The following ERFE variants were observed in gnomAD, a reference collection of about 807,000 sequenced individuals.
The protein encoded by ERFE is erythroferrone.
Under a neutral mutation model 26.6 loss-of-function variants are expected in ERFE, and 25 were observed. The ratio of observed to expected loss-of-function variants is 0.94; its 90% CI spans 0.69 to 1.31. ERFE has a LOEUF of 1.31. Among genes scored for constraint, ERFE ranks in the 40% most tolerant of loss-of-function variants. The probability of loss-of-function intolerance (pLI) is 0.00; values close to 1 mark genes in which losing one functional copy is unlikely to be tolerated. For missense variants in ERFE, 447 were observed against 440.2 expected, an observed-to-expected ratio of 1.02 and a Z score of -0.14; for synonymous variants, 206 against 204.5, an observed-to-expected ratio of 1.01 and a Z score of -0.06.
intron 5 of ERFE, 26 bp downstream of exon 5, chr2:238,164,209 G>T: frequency 7.0e-7 from 1 of 1,430,096 alleles, no homozygotes; most frequent in Non-Finnish European, 9.1e-7. Flanking sequence ...TGGGAGGATC[G>T]CCCGCTCTGT....
intron 1 of ERFE, among the ~76,000 whole-genome samples, chr2:238,160,417 G>C (rs923146170): frequency 6.6e-6 from 1 of 152,186 alleles, no homozygotes; most frequent in Admixed American, 6.5e-5. Context: ...GCCGGTGTGC[G>C]GCATCCTCGC....
Position 238,163,786 on chromosome 2 carries a change from C to A in ERFE, c.474C>A (p.Gly158=). The part of the protein sequence containing the change: ...ERAEPEPCTC[G]PAGPVAASLA... ...CGGAGCCCGAACCCTGTACGTGTGG[C>A]CCCGCCGGGCCGGTCGCTGCGAGCC... The change falls in exon 4 of 8, where the codon GGC becomes GGA. Residue 158 remains glycine (G), a synonymous_variant. Transcript: ENST00000546354. 2 of 1,356,538 alleles carry A rather than the reference C, an allele frequency of 1.5e-6. No homozygotes were observed. The highest frequency in any genetic ancestry group is 9.4e-7 in the Non-Finnish European group (1 of 1,059,002). The allele number at this position is 1,356,538 out of a possible 1,614,324, so 84.0% of individuals were successfully genotyped here.
chr2:238,165,910 G>A (rs754716599), intron 7 of ERFE, among the ~76,000 whole-genome samples: 1 of 152,172 alleles, frequency 6.6e-6, no homozygotes, highest in Non-Finnish European at 1.5e-5. Context: ...CCTTCCCCGA[G>A]GGCACCTGCC....
intron 1 of ERFE, 21 bp downstream of exon 1, chr2:238,159,226 C>A: frequency 4.8e-6 from 1 of 206,820 alleles, no homozygotes; most frequent in South Asian, 1.7e-4. Context: ...CGGGCCCGCT[C>A]CAGACCCAGC....
chr2:238,163,635 G>A lies in ERFE; in HGVS notation c.425-102G>A, dbSNP rs544781691. ...TCGCCCTCGCCCCACCCCTGCGCCC[G>A]GCAGGCCCCTGGTCTCGCTAGCACC... On this transcript the variant is annotated intron_variant, in intron 3 of 7. Transcript: ENST00000546354. 2.8e-4 allele frequency: 334 copies of A among 1,207,228 alleles called. 6 individuals carry two copies. The East Asian group carries it at 0.011, about 41-fold the overall frequency. The allele number at this position is 1,207,228 out of a possible 1,614,324, so 74.8% of individuals were successfully genotyped here.
chr2:238,164,091 C>T lies in ERFE; in HGVS notation c.704C>T (p.Ala235Val), dbSNP rs1412717604. The T allele has an allele frequency of 1.2e-5, 17 of 1,429,046 alleles. No individual in the cohort carries two copies. The highest frequency in any genetic ancestry group is 1.2e-5 in the Non-Finnish European group (13 of 1,094,454). The allele number at this position is 1,429,046 out of a possible 1,614,324, so 88.5% of individuals were successfully genotyped here. A position where few individuals can be genotyped will look rare whatever the true frequency, so the allele number is the denominator to read the frequency against. Residue 235 changes from alanine (A) to valine (V), a missense_variant, in exon 5 of 8, where the codon GCC (alanine) becomes GTC (valine). Physicochemically the swap from Ala to Val is moderately conservative, Grantham distance 64 (BLOSUM62 0). Transcript: ENST00000546354. ...GVYYLPDAEGAFRRGPGLNLT... is the reference protein window; with the variant it reads ...GVYYLPDAEGVFRRGPGLNLT... ...CCCTCGCAGCCCGACGCCGAGGGTG[C>T]CTTCCGCCGCGGCCCGGGCCTGAAC... is the stretch of plus-strand genomic sequence containing the variant.
chr2:238,168,643 G>GACTC lies in ERFE; in HGVS notation c.*1592_*1595dup. ...AAAGGCCTGGTGCGATTCTCAGTAGGACTCACACCCACCCTACCTAGAAGT... is the reference window on the plus strand; with the variant it reads ...AAAGGCCTGGTGCGATTCTCAGTAGGACTCACTCACACCCACCCTACCTAGAAGT... On this transcript the variant is annotated 3_prime_UTR_variant, in exon 8 of 8. Coordinates refer to ENST00000546354, the MANE Select transcript of ERFE (RefSeq NM_001291832.2). 5.5e-6 allele frequency: 2 copies of GACTC among 361,582 alleles called. No individual in the cohort carries two copies. Among genetic ancestry groups the GACTC allele is most frequent in the South Asian group, 4.1e-5 (2 of 48,458 alleles). 22.4% of individuals were successfully genotyped at this position (361,582 alleles called of 1,614,324 possible).
Position 238,159,028 on chromosome 2 carries a change from C to T in ERFE, c.21C>T (p.Pro7=), listed in dbSNP as rs1213614646. The T allele has an allele frequency of 1.2e-5, 3 of 256,862 alleles. No homozygotes were observed. 15.9% of individuals were successfully genotyped at this position (256,862 alleles called of 1,614,324 possible). The change falls in exon 1 of 8, where the codon CCC becomes CCT. Residue 7 remains proline, a synonymous_variant. Transcript: ENST00000546354. MAPARR[P]AGARLLLVYA... is the part of the protein sequence containing the mutation. ...CCCGCATGGCCCCGGCCCGCCGCCCCGCCGGAGCCCGCCTGCTGCTCGTCT... is the reference window on the plus strand; with the variant it reads ...CCCGCATGGCCCCGGCCCGCCGCCCTGCCGGAGCCCGCCTGCTGCTCGTCT...
At chr2:238,162,523 C>T (rs998936912) in intron 2 of ERFE, among the ~76,000 whole-genome samples, 12 of 152,388 alleles carry the variant, frequency 7.9e-5, no homozygotes, top group Non-Finnish European at 1.5e-4. Flanking sequence ...CAGAGTCCTT[C>T]CCTGCCAAAG....
At chr2:238,163,178 C>T (rs1357578670) in intron 3 of ERFE, among the ~76,000 whole-genome samples, 6 of 152,350 alleles carry the variant, frequency 3.9e-5, no homozygotes. Context: ...CAGCGAAAGG[C>T]AGAGGCTAGT....
chr2:238,161,287 G>A (rs541357067), intron 1 of ERFE, among the ~76,000 whole-genome samples: 5 of 152,292 alleles, frequency 3.3e-5, no homozygotes, highest in Non-Finnish European at 5.9e-5. Flanking sequence ...CAGCAGTACG[G>A]GGATTCACCC....
rs1692984383 is a variant in ERFE, at chr2:238,163,965, GGC to G, written c.660_661del (p.Leu221AlafsTer88). 7.2e-7 allele frequency: 1 copy of G among 1,383,450 alleles called. No individual in the cohort carries two copies. The highest frequency in any genetic ancestry group is 9.3e-7 in the Non-Finnish European group (1 of 1,075,182). 85.7% of individuals were successfully genotyped at this position (1,383,450 alleles called of 1,614,324 possible). Reference sequence around the variant, plus strand: ...CTGCGCCGGGACGCGTTGGTGGAGCGGCGCGCGCTGCACGAGCTTGGCGTCTA... The same window carrying G: ...CTGCGCCGGGACGCGTTGGTGGAGCGGCGCGCTGCACGAGCTTGGCGTCTA... On this transcript the variant is annotated frameshift_variant, in exon 4 of 8. Coordinates refer to ENST00000546354, the MANE Select transcript of ERFE (RefSeq NM_001291832.2). LOFTEE classifies it high-confidence loss of function.
At position 238,168,857 on chromosome 2, in the gene ERFE, GTATT is replaced by G. The variant is rs1693095655; in HGVS notation, c.*1808_*1811del. On this transcript the variant is annotated 3_prime_UTR_variant, in exon 8 of 8. Transcript: ENST00000546354. ...GTGTGTTATGCAGCAATTTATTAAA[GTATT>G]TATTGTCTAATAAATACTGCCAAGT... 1 of 164,120 alleles carries G rather than the reference GTATT, an allele frequency of 6.1e-6. No homozygotes were observed. Among genetic ancestry groups the G allele is most frequent in the Non-Finnish European group, 1.3e-5 (1 of 74,390 alleles). The allele number at this position is 164,120 out of a possible 1,614,324, so 10.2% of individuals were successfully genotyped here.
chr2:238,168,829 TCA>T lies in ERFE; in HGVS notation c.*1776_*1777del, dbSNP rs1693094461. On this transcript the variant is annotated 3_prime_UTR_variant, in exon 8 of 8. Coordinates refer to ENST00000546354, the MANE Select transcript of ERFE (RefSeq NM_001291832.2). ...CATATCCACATCTCTTTCATTTTTC[TCA>T]GTGTGTTATGCAGCAATTTATTAAA... is the stretch of plus-strand genomic sequence containing the variant. 3.4e-5 allele frequency: 6 copies of T among 177,310 alleles called. No homozygotes were observed. The highest frequency in any genetic ancestry group is 1.2e-4 in the African/African-American group (5 of 42,340). The allele number at this position is 177,310 out of a possible 1,614,324, so 11.0% of individuals were successfully genotyped here.
chr2:238,166,877 G>C, intron 7 of ERFE, 79 bp from the exon 8 acceptor site: 7 of 1,165,068 alleles, frequency 6.0e-6, no homozygotes, highest in Middle Eastern at 2.1e-4. Context: ...GGGCAGGAGG[G>C]AGTGTGGCTG....
intron 1 of ERFE, among the ~76,000 whole-genome samples, chr2:238,161,383 G>A (rs1692936340): frequency 6.6e-6 from 1 of 152,232 alleles, no homozygotes; most frequent in South Asian, 2.1e-4. Context: ...CCGAGGTGTG[G>A]CCCGTTCCCT....
chr2:238,160,615 T>A (rs531422180), intron 1 of ERFE, among the ~76,000 whole-genome samples: 74 of 152,196 alleles, frequency 4.9e-4, no homozygotes, highest in Admixed American at 1.3e-3. Context: ...GCAGCCCCCA[T>A]CTTCCCACCA....
At position 238,164,006 on chromosome 2, in the gene ERFE, G is replaced by A; in HGVS notation, c.687+7G>A. 1 of 1,377,462 alleles carries A rather than the reference G, an allele frequency of 7.3e-7. No individual in the cohort carries two copies. The highest frequency in any genetic ancestry group is 1.7e-5 in the South Asian group (1 of 60,040). The allele number at this position is 1,377,462 out of a possible 1,614,324, so 85.3% of individuals were successfully genotyped here. ...GCTTGGCGTCTACTACCTGGTGAGT[G>A]CCGGCGCGCGGGAGGGCGGGTGAGT... On this transcript the variant is annotated splice_region_variant and intron_variant, in intron 4 of 7. Coordinates refer to ENST00000546354, the MANE Select transcript of ERFE (RefSeq NM_001291832.2).
intron 2 of ERFE, 84 bp from the exon 3 acceptor site, chr2:238,162,652 T>C: frequency 1.1e-6 from 1 of 886,340 alleles, no homozygotes; most frequent in African/African-American, 1.7e-5. Flanking sequence ...GTTGCCTGCC[T>C]CTTAGTGGCA....
Sources: gnomAD v4.1 joint callset for allele counts (sites outside exome capture counted in the v4.1 genomes callset) on GRCh38, gnomAD v4.1.1 for gene constraint, MANE v1.5 for transcripts, NCBI Gene and HGNC (gene_info 2026-07-23, HGNC 2026-07-21) for gene names.